The following FNBP1L variants were observed in gnomAD, a reference collection of about 807,000 sequenced individuals.
FNBP1L encodes formin-binding protein 1-like.
Under a neutral mutation model 91.2 loss-of-function variants are expected in FNBP1L, and 36 were observed. The observed-to-expected ratio is 0.39, with a 90% CI of 0.30 to 0.52. FNBP1L has a LOEUF of 0.52. Ranked by LOEUF, FNBP1L falls within the 20% of genes least tolerant of loss-of-function variation. The pLI, the probability that FNBP1L is intolerant of heterozygous loss-of-function variation, is 0.66. For missense variants in FNBP1L, 571 were observed against 732.1 expected, an observed-to-expected ratio of 0.78 and a Z score of 2.54; for synonymous variants, 242 against 237.0, an observed-to-expected ratio of 1.02 and a Z score of -0.19.
intron 1 of FNBP1L, among the ~76,000 whole-genome samples, chr1:93,467,282 C>T (rs1041666159): frequency 6.6e-6 from 1 of 152,072 alleles, no homozygotes; most frequent in Admixed American, 6.6e-5. Context: ...ATTTGTTATA[C>T]ACATACAGTG....
At chr1:93,484,088 C>G (rs1291982166) in intron 1 of FNBP1L, among the ~76,000 whole-genome samples, 1 of 152,148 alleles carries the variant, frequency 6.6e-6, no homozygotes, top group East Asian at 1.9e-4. Flanking sequence ...GCCACCATGC[C>G]CGGCTAATTT....
rs539115527 is a variant in FNBP1L, at chr1:93,508,210, C to T, written c.140+8627C>T. On this transcript the variant is annotated intron_variant, in intron 2 of 16. Transcript: ENST00000271234. ...TAAAAAGACAAAAAAATTAGCCAGG[C>T]ACGGTGACATGTGCCTGCAGTCCCA... Among the ~76,000 whole-genome samples, 13 of 151,916 alleles carry T rather than the reference C, an allele frequency of 8.6e-5. No individual in the cohort carries two copies. The East Asian group carries it at 1.4e-3, about 16-fold the overall frequency.
chr1:93,455,522 C>T (rs1423315778), intron 1 of FNBP1L, among the ~76,000 whole-genome samples: 2 of 152,176 alleles, frequency 1.3e-5, no homozygotes, highest in African/African-American at 4.8e-5. Context: ...GGGACTTGAG[C>T]ATCCATGGCG....
chr1:93,547,934 T>C (rs1396851227), intron 14 of FNBP1L, among the ~76,000 whole-genome samples: 1 of 152,192 alleles, frequency 6.6e-6, no homozygotes, highest in Admixed American at 6.5e-5. Context: ...AGTCCACAAA[T>C]TAGGATTCAC....
chr1:93,485,811 C>T (rs1669877290), intron 1 of FNBP1L, among the ~76,000 whole-genome samples: 1 of 152,172 alleles, frequency 6.6e-6, no homozygotes, highest in Non-Finnish European at 1.5e-5. Context: ...ATTCTCCTGC[C>T]TTAGCCTCCC....
Position 93,546,822 on chromosome 1 carries a change from G to T in FNBP1L, c.1275-20G>T, listed in dbSNP as rs237426. 8.0e-3 allele frequency: 12,800 copies of T among 1,609,440 alleles called. 639 individuals are homozygous for T. In the African/African-American group the frequency reaches 0.13, roughly 16 times the overall value. Reference sequence around the variant, plus strand: ...CATATGAAGTTAATATTTAATTCTGGGGTTCCTTCTCTTTTTTAGAGATGC... The same window carrying T: ...CATATGAAGTTAATATTTAATTCTGTGGTTCCTTCTCTTTTTTAGAGATGC... On this transcript the variant is annotated intron_variant, in intron 12 of 16. Coordinates refer to ENST00000271234, the MANE Select transcript of FNBP1L (RefSeq NM_001164473.3).
chr1:93,550,151 A>G (rs992376787), intron 15 of FNBP1L, among the ~76,000 whole-genome samples: 1 of 152,204 alleles, frequency 6.6e-6, no homozygotes. Context: ...AAAATTGAGC[A>G]AAGTCTCTAG....
In FNBP1L at chr1:93,549,435, T is replaced by C. The variant is rs2101776876; in HGVS notation, c.1651+9T>C. The C allele has an allele frequency of 6.4e-7, 1 of 1,560,234 alleles. No individual in the cohort carries two copies. The highest frequency in any genetic ancestry group is 8.6e-7 in the Non-Finnish European group (1 of 1,158,762). ...TATCTACCCTTTTGATGGTATGATT[T>C]TCTTAATAATATTGTATGTAAAAAA... On this transcript the variant is annotated intron_variant, in intron 15 of 16. Coordinates refer to ENST00000271234, the MANE Select transcript of FNBP1L (RefSeq NM_001164473.3).
intron 1 of FNBP1L, among the ~76,000 whole-genome samples, chr1:93,465,454 T>G (rs1669043741): frequency 6.7e-6 from 1 of 149,290 alleles, no homozygotes; most frequent in South Asian, 2.1e-4. Context: ...ACATGTGGTG[T>G]TTGGTTTTCT....
chr1:93,488,724 C>T (rs993284164), intron 1 of FNBP1L, among the ~76,000 whole-genome samples: 7 of 152,084 alleles, frequency 4.6e-5, no homozygotes, highest in South Asian at 2.1e-4. Flanking sequence ...ATATGTAGGC[C>T]CAGGGTTTTA....
rs532674062 is a variant in FNBP1L at position 93,467,149 on chromosome 1, G to A, written c.24+18844G>A. On this transcript the variant is annotated intron_variant, in intron 1 of 16. Transcript: ENST00000271234. ...TGGAATTACAAGCATGAGCTACCGC[G>A]CCTAGCCAAAAGTAGGGTCTTAAAG... Among the ~76,000 whole-genome samples, 6 of 152,306 alleles carry A rather than the reference G, an allele frequency of 3.9e-5. No individual in the cohort carries two copies. The East Asian group carries it at 5.8e-4, about 15-fold the overall frequency.
chr1:93,466,453 T>C (rs746717856), intron 1 of FNBP1L, among the ~76,000 whole-genome samples: 2 of 152,196 alleles, frequency 1.3e-5, no homozygotes, highest in African/African-American at 2.4e-5. Flanking sequence ...GTTTATTGAA[T>C]AGGGAATCCT....
chr1:93,525,702 TAAGA>T (rs970791101), intron 5 of FNBP1L, among the ~76,000 whole-genome samples: 17 of 152,140 alleles, frequency 1.1e-4, no homozygotes, highest in South Asian at 4.1e-4. Flanking sequence ...TTAGAGGTCA[TAAGA>T]AAGAAAGAAG....
chr1:93,451,492 C>A (rs1223391768), intron 1 of FNBP1L, among the ~76,000 whole-genome samples: 2 of 152,064 alleles, frequency 1.3e-5, no homozygotes, highest in African/African-American at 4.8e-5. Context: ...AAGGAAAATG[C>A]TGGACAAGTC....
chr1:93,512,532 C>T (rs1462385353), intron 2 of FNBP1L, among the ~76,000 whole-genome samples: 1 of 151,968 alleles, frequency 6.6e-6, no homozygotes, highest in African/African-American at 2.4e-5. Flanking sequence ...GTAAAGCTCT[C>T]CTCAGCAAAT....
At chr1:93,518,850 C>T (rs530144493) in intron 2 of FNBP1L, among the ~76,000 whole-genome samples, 1 of 152,220 alleles carries the variant, frequency 6.6e-6, no homozygotes, top group East Asian at 1.9e-4. Flanking sequence ...AACCCTGTAC[C>T]CATTAGCAGT....
At chr1:93,450,186 A>G (rs1329829604) in intron 1 of FNBP1L, among the ~76,000 whole-genome samples, 2 of 152,100 alleles carry the variant, frequency 1.3e-5, no homozygotes, top group South Asian at 2.1e-4. Flanking sequence ...TTTTAAACTT[A>G]TGGTACTACC....
chr1:93,477,905 C>A (rs1172528839), intron 1 of FNBP1L, among the ~76,000 whole-genome samples: 1 of 152,192 alleles, frequency 6.6e-6, no homozygotes, highest in Non-Finnish European at 1.5e-5. Context: ...GTTTCTTTAA[C>A]AGTCCTCTTA....
At chr1:93,527,559 A>T (rs1331795803) in intron 5 of FNBP1L, among the ~76,000 whole-genome samples, 1 of 152,192 alleles carries the variant, frequency 6.6e-6, no homozygotes, top group Non-Finnish European at 1.5e-5. Flanking sequence ...CCAGGCAAGA[A>T]ATTGGAAGTC....
Sources: allele counts gnomAD v4.1 joint callset (sites outside exome capture counted in the v4.1 genomes callset), GRCh38; gene constraint gnomAD v4.1.1; transcripts MANE v1.5; gene names NCBI Gene and HGNC (gene_info 2026-07-23, HGNC 2026-07-21).